The following TNS2 variants were observed in gnomAD, a reference collection of about 807,000 sequenced individuals.
The protein encoded by TNS2 is tensin-2.
In TNS2, 77 loss-of-function variants were observed where a neutral mutation model predicts 155.7. That is an observed-to-expected ratio of 0.49 (90% CI 0.41 to 0.60). The LOEUF (loss-of-function observed/expected upper bound fraction) is 0.60. Among genes scored for constraint, TNS2 ranks in the 20% least tolerant of loss-of-function variants. TNS2 has a pLI of 0.00. For missense variants in TNS2, 1,703 were observed against 1,868.8 expected, an observed-to-expected ratio of 0.91 and a Z score of 1.64; for synonymous variants, 726 against 763.9, an observed-to-expected ratio of 0.95 and a Z score of 0.82.
chr12:53,049,420 CAGG>C (rs1241201397), upstream of TNS2, among the ~76,000 whole-genome samples: 1 of 152,146 alleles, frequency 6.6e-6, no homozygotes, highest in Non-Finnish European at 1.5e-5. Context: ...TGGGGGCTTT[CAGG>C]AGAAGGGCCT....
At position 53,060,159 on chromosome 12, in the gene TNS2, C is replaced by G; in HGVS notation, c.2518C>G (p.Gln840Glu). The change falls in exon 18 of 29, where the codon CAA becomes GAA. Residue 840 changes from glutamine to glutamate, a missense_variant. Coordinates refer to ENST00000314250, the MANE Select transcript of TNS2 (RefSeq NM_170754.4). The surrounding 1 kb of genome is among the most constrained non-coding windows in gnomAD (Gnocchi z 6.1). ...SISPGSPPYP[Q>E]SRKLSYEIPT... is the part of the protein sequence containing the mutation. ...TTCCCCGGGCAGCCCGCCCTATCCACAATCTAGGAAGCTGAGCTACGAGAT... is the reference window on the plus strand; with the variant it reads ...TTCCCCGGGCAGCCCGCCCTATCCAGAATCTAGGAAGCTGAGCTACGAGAT... The G allele has an allele frequency of 6.2e-7, 1 of 1,608,720 alleles. No individual in the cohort carries two copies. The highest frequency in any genetic ancestry group is 1.1e-5 in the South Asian group (1 of 90,670).
upstream of TNS2, among the ~76,000 whole-genome samples, chr12:53,049,457 A>G (rs1592238492): frequency 6.6e-6 from 1 of 152,156 alleles, no homozygotes; most frequent in South Asian, 2.1e-4. Flanking sequence ...CTGTGGCAGG[A>G]GAATGGATTA....
In TNS2 at chr12:53,060,277, C is replaced by T. The variant is rs1314661988; in HGVS notation, c.2617+19C>T. On this transcript the variant is annotated intron_variant, in intron 18 of 28. Transcript: ENST00000314250. The surrounding 1 kb of genome is among the most constrained non-coding windows in gnomAD (Gnocchi z 6.1). ...TCTGCAGGTGAGGGGCACCAGAGTGCGGAGTGCCCAGGGCAGAGGAGGTTC... is the reference window on the plus strand; with the variant it reads ...TCTGCAGGTGAGGGGCACCAGAGTGTGGAGTGCCCAGGGCAGAGGAGGTTC... The T allele has an allele frequency of 6.5e-6, 10 of 1,537,902 alleles. No individual in the cohort carries two copies. In the East Asian group the frequency reaches 9.1e-5, roughly 14 times the overall value.
intron 10 of TNS2, chr12:53,056,057 G>A: frequency 5.5e-6 from 3 of 549,874 alleles, no homozygotes; most frequent in Admixed American, 3.4e-5. Context: ...ACAGGGTGGT[G>A]TAAAACAGTG....
At position 53,061,481 on chromosome 12, in the gene TNS2, G is replaced by A; in HGVS notation, c.3448+12G>A. 1.2e-6 allele frequency: 2 copies of A among 1,613,820 alleles called. No homozygotes were observed. Among genetic ancestry groups the A allele is most frequent in the Non-Finnish European group, 1.7e-6 (2 of 1,179,780 alleles). ...GTCCCGTGACCAAGGTGAGAAGCCA[G>A]CCTGCCCCCACCCCACTGCATCCCA... is the stretch of plus-strand genomic sequence containing the variant. On this transcript the variant is annotated intron_variant, in intron 21 of 28. Coordinates refer to ENST00000314250, the MANE Select transcript of TNS2 (RefSeq NM_170754.4).
At position 53,063,736 on chromosome 12, in the gene TNS2, C is replaced by T. The variant is rs1221783269; in HGVS notation, c.4092-8C>T. ...GTTAAGCCCCTTCCCCACCCTTTAT[C>T]CCCCTAGGATCTTTGGTTTCGTGGC... On this transcript the variant is annotated splice_region_variant and splice_polypyrimidine_tract_variant and intron_variant, in intron 28 of 28. Transcript: ENST00000314250. The surrounding 1 kb of genome is among the most constrained non-coding windows in gnomAD (Gnocchi z 5.6). 9 of 1,613,800 alleles carry T rather than the reference C, an allele frequency of 5.6e-6. No individual in the cohort carries two copies. Among genetic ancestry groups the T allele is most frequent in the Middle Eastern group, 1.6e-4 (1 of 6,084 alleles).
chr12:53,061,493 C>T (rs1235977282), intron 21 of TNS2, 24 bp downstream of exon 21: 2 of 1,608,392 alleles, frequency 1.2e-6, no homozygotes, highest in Non-Finnish European at 1.7e-6. Context: ...CTGCCCCCAC[C>T]CCACTGCATC....
rs1943954097 is a variant in TNS2 at position 53,052,038 on chromosome 12, T to TCA, written c.184+80_184+81dup. On this transcript the variant is annotated intron_variant, in intron 2 of 28. Transcript: ENST00000314250. Reference sequence around the variant, plus strand: ...TGTTGCACAACTCCAGCAGGCCAGCTCACACAATCTCAAATGTAATATGCT... The same window carrying TCA: ...TGTTGCACAACTCCAGCAGGCCAGCTCACACACAATCTCAAATGTAATATGCT... 2.5e-6 allele frequency: 3 copies of TCA among 1,210,416 alleles called. No homozygotes were observed. In the East Asian group the frequency reaches 7.1e-5, roughly 29 times the overall value. The allele number at this position is 1,210,416 out of a possible 1,614,324, so 75.0% of individuals were successfully genotyped here.
chr12:53,053,848 A>T, intron 5 of TNS2, 36 bp downstream of exon 5: 1 of 1,613,776 alleles, frequency 6.2e-7, no homozygotes, highest in East Asian at 2.2e-5. Context: ...GGAAGCAGGT[A>T]GCTTTGGGAG....
chr12:53,056,079 G>A, intron 10 of TNS2: 1 of 478,282 alleles, frequency 2.1e-6, no homozygotes, highest in South Asian at 2.7e-5. Context: ...AAATGGGCCG[G>A]GTGCGTTGGC....
chr12:53,048,324 G>A (rs1036374393), upstream of TNS2, among the ~76,000 whole-genome samples: 1 of 152,220 alleles, frequency 6.6e-6, no homozygotes, highest in Non-Finnish European at 1.5e-5. Context: ...GATGTCTGGG[G>A]ACCTGTTCCA....
rs1232602542 is a variant in TNS2 at position 53,059,121 on chromosome 12, C to A, written c.1480C>A (p.Pro494Thr). The change falls in exon 18 of 29, where the codon CCC becomes ACC. Residue 494 changes from proline to threonine, a missense_variant. Pro to Thr is a conservative substitution (Grantham distance 38, BLOSUM62 -1). Coordinates refer to ENST00000314250, the MANE Select transcript of TNS2 (RefSeq NM_170754.4). The surrounding 1 kb of genome is among the most constrained non-coding windows in gnomAD (Gnocchi z 4.7). Reference protein sequence around the residue: ...AQVQRPPRQTPPAPSPEPPPP... With the variant: ...AQVQRPPRQTTPAPSPEPPPP... The stretch of plus-strand genomic sequence containing the variant: ...GGTGCAGCGGCCTCCCCGGCAGACC[C>A]CCCCGGCACCCTCTCCAGAGCCTCC... 1.3e-6 allele frequency: 2 copies of A among 1,563,090 alleles called. No individual in the cohort carries two copies. The highest frequency in any genetic ancestry group is 4.5e-5 in the East Asian group (2 of 44,732).
rs1944463940 is a variant in TNS2, at chr12:53,063,837, C to T, written c.4185C>T (p.Ala1395=). Residue 1395 remains alanine, a synonymous_variant, in exon 29 of 29, where the codon GCC becomes GCT. Coordinates refer to ENST00000314250, the MANE Select transcript of TNS2 (RefSeq NM_170754.4). This position sits in a 1 kb window ranked among gnomAD's most constrained non-coding sequence, Gnocchi z 5.6. ...TTGACCCAGATCAGCCTGCTGGCGC[C>T]ATTGTCACCTTCATCACCAAAGTTC... ...AELDPDQPAG[A]IVTFITKVLL... is the part of the protein sequence containing the mutation. The T allele has an allele frequency of 6.2e-7, 1 of 1,614,048 alleles. No individual in the cohort carries two copies. Among genetic ancestry groups the T allele is most frequent in the Admixed American group, 1.7e-5 (1 of 60,010 alleles).
Position 53,059,695 on chromosome 12 carries a change from C to T in TNS2, c.2054C>T (p.Pro685Leu). Residue 685 changes from proline (P) to leucine (L), a missense_variant, in exon 18 of 29, where the codon CCT becomes CTT. By Grantham distance (98) the Pro-to-Leu change is moderately conservative (BLOSUM62 -3). Coordinates refer to ENST00000314250, the MANE Select transcript of TNS2 (RefSeq NM_170754.4). The surrounding 1 kb of genome is among the most constrained non-coding windows in gnomAD (Gnocchi z 4.7). ...GTCATCCTGGAGGACCCTGGGCTGCCTGCCCTATACCCATGCCCAGCCTGC... is the reference window on the plus strand; with the variant it reads ...GTCATCCTGGAGGACCCTGGGCTGCTTGCCCTATACCCATGCCCAGCCTGC... Reference protein sequence around the residue: ...EVVILEDPGLPALYPCPACEE... With the variant: ...EVVILEDPGLLALYPCPACEE... 6.2e-7 allele frequency: 1 copy of T among 1,613,194 alleles called. No individual in the cohort carries two copies. Among genetic ancestry groups the T allele is most frequent in the Admixed American group, 1.7e-5 (1 of 60,012 alleles).
At chr12:53,055,520 C>T (rs779144485) in intron 8 of TNS2, 48 bp from the exon 9 acceptor site, 4 of 1,560,302 alleles carry the variant, frequency 2.6e-6, no homozygotes, top group Admixed American at 3.6e-5. Flanking sequence ...GCCCATCTCT[C>T]TCTGTTGGTG....
chr12:53,061,898 C>T lies in TNS2; in HGVS notation c.3532C>T (p.Leu1178Phe). 1 of 1,613,518 alleles carries T rather than the reference C, an allele frequency of 6.2e-7. No individual in the cohort carries two copies. Among genetic ancestry groups the T allele is most frequent in the Non-Finnish European group, 8.5e-7 (1 of 1,179,960 alleles). ...HSFQGAYGLA[L>F]KVATPPPSAQ... Reference sequence around the variant, plus strand: ...ATTCCAAGGAGCTTATGGGCTGGCCCTCAAGGTGGCCACACCGCCACCCAG... The same window carrying T: ...ATTCCAAGGAGCTTATGGGCTGGCCTTCAAGGTGGCCACACCGCCACCCAG... Residue 1178 changes from leucine (L) to phenylalanine (F), a missense_variant, in exon 22 of 29, where the codon CTC becomes TTC. Transcript: ENST00000314250.
At chr12:53,053,304 C>A in intron 3 of TNS2, 107 bp from the exon 4 acceptor site, 2 of 1,289,190 alleles carry the variant, frequency 1.6e-6, no homozygotes, top group Non-Finnish European at 2.2e-6. Flanking sequence ...TGTGCCCATC[C>A]ACTGAAGGCC....
Position 53,060,338 on chromosome 12 carries a change from G to A in TNS2, c.2618-67G>A. 1 of 1,576,178 alleles carries A rather than the reference G, an allele frequency of 6.3e-7. No homozygotes were observed. The highest frequency in any genetic ancestry group is 8.6e-7 in the Non-Finnish European group (1 of 1,158,282). On this transcript the variant is annotated intron_variant, in intron 18 of 28. Coordinates refer to ENST00000314250, the MANE Select transcript of TNS2 (RefSeq NM_170754.4). The surrounding 1 kb of genome is among the most constrained non-coding windows in gnomAD (Gnocchi z 6.1). ...TGGGGAAGTCAAGGGGGAACAGGGT[G>A]AGAAACAGCTAAGCCAGACAGAAGA...
upstream of TNS2, chr12:53,049,139 G>T: frequency 6.4e-7 from 1 of 1,550,926 alleles, no homozygotes; most frequent in South Asian, 1.3e-5. Flanking sequence ...GGAGGCCGGA[G>T]GCCCATGGAT....
Sources: gnomAD v4.1 joint callset for allele counts (sites outside exome capture counted in the v4.1 genomes callset) on GRCh38, gnomAD v4.1.1 for gene constraint, Gnocchi (gnomAD v3.1) non-coding constraint, MANE v1.5 for transcripts, NCBI Gene and HGNC (gene_info 2026-07-23, HGNC 2026-07-21) for gene names.